Variants in CIROP observed in about 807,000 individuals in gnomAD.
CIROP encodes the protein ciliated left-right organizer metallopeptidase.
chr14:23,103,196 G>C, the CIROP span: 1 of 423,244 alleles, frequency 2.4e-6, no homozygotes, highest in Non-Finnish European at 4.1e-6. Context: ...GGTGGGGGTA[G>C]CCTTTACCCA....
chr14:23,101,543 T>G, the CIROP span: 2 of 658,818 alleles, frequency 3.0e-6, no homozygotes, highest in Non-Finnish European at 5.5e-6. Flanking sequence ...GGGAATCCGT[T>G]TTCCTTCTTC....
chr14:23,104,250 C>G, the CIROP span: 1 of 663,448 alleles, frequency 1.5e-6, no homozygotes, highest in Non-Finnish European at 2.7e-6. Context: ...CACCTTTGCC[C>G]CCAGGCAACT....
chr14:23,104,919 A>T, the CIROP span: 1 of 671,878 alleles, frequency 1.5e-6, no homozygotes, highest in South Asian at 1.6e-5. Context: ...CAGCAGCAGC[A>T]TCTCCCTTCT....
At chr14:23,102,814 G>A in the CIROP span, 1 of 679,668 alleles carries the variant, frequency 1.5e-6, no homozygotes, top group Non-Finnish European at 2.7e-6. Flanking sequence ...TAGAGTTTGA[G>A]GCACCTTCTA....
At chr14:23,103,284 C>T in the CIROP span, 1 of 398,032 alleles carries the variant, frequency 2.5e-6, no homozygotes, top group Non-Finnish European at 4.4e-6. Flanking sequence ...CATGGTGGCT[C>T]ACGCCTGTAA....
the CIROP span, chr14:23,100,747 A>G: frequency 5.0e-6 from 2 of 398,594 alleles, no homozygotes; most frequent in African/African-American, 2.1e-5. Context: ...CATGAAACAG[A>G]TGCAGGCTTA....
chr14:23,102,438 C>A, the CIROP span: 1 of 702,924 alleles, frequency 1.4e-6, no homozygotes, highest in South Asian at 1.5e-5. Flanking sequence ...AAGCAGTTGT[C>A]CCCACTCATC....
the CIROP span, chr14:23,103,421 G>A: frequency 9.3e-6 from 4 of 428,332 alleles, no homozygotes; most frequent in African/African-American, 8.1e-5. Context: ...GGACATGGTG[G>A]TGCATGCCTG....
the CIROP span, chr14:23,104,620 G>T: frequency 2.1e-5 from 15 of 702,124 alleles, no homozygotes; most frequent in Non-Finnish European, 3.6e-5. Flanking sequence ...GCCTGGATTC[G>T]CTGAGTGGCC....
At chr14:23,099,511 T>C in the CIROP span, 1 of 413,148 alleles carries the variant, frequency 2.4e-6, no homozygotes, top group Non-Finnish European at 4.4e-6. Context: ...GAAGGTAATA[T>C]TTGGCATGGA....
the CIROP span, among the ~76,000 whole-genome samples, chr14:23,104,070 C>A: frequency 6.6e-6 from 1 of 152,216 alleles, no homozygotes; most frequent in Non-Finnish European, 1.5e-5. Flanking sequence ...TCATGGCAGG[C>A]TGCAGATCTC....
chr14:23,102,117 A>G, the CIROP span: 1 of 702,994 alleles, frequency 1.4e-6, no homozygotes, highest in Non-Finnish European at 2.6e-6. Flanking sequence ...GCTCCTCTGC[A>G]GCGCTGTGGT....
At chr14:23,104,511 G>T in the CIROP span, 2 of 702,888 alleles carry the variant, frequency 2.8e-6, no homozygotes, top group Non-Finnish European at 5.2e-6. Flanking sequence ...CCATATCTTG[G>T]AATTCCAGTT....
At chr14:23,100,402 CCT>C in the CIROP span, 1 of 412,398 alleles carries the variant, frequency 2.4e-6, no homozygotes. Context: ...GAAACGCAAC[CCT>C]GTCTAGGACA....
the CIROP span, chr14:23,100,184 G>A: frequency 4.8e-6 from 1 of 208,436 alleles, no homozygotes. Flanking sequence ...AGCCTAGGGA[G>A]GTCGAGGCCA....
At chr14:23,102,161 C>T in the CIROP span, 5 of 702,924 alleles carry the variant, frequency 7.1e-6, no homozygotes, top group South Asian at 1.5e-5. Flanking sequence ...TTGAAGGCAG[C>T]GAGGGTGATT....
chr14:23,102,698 A>G, the CIROP span: 1 of 702,940 alleles, frequency 1.4e-6, no homozygotes, highest in Non-Finnish European at 2.6e-6. Flanking sequence ...GCATGGAGCA[A>G]TTCATGTAAT....
chr14:23,102,817 A>G, the CIROP span: 2 of 677,516 alleles, frequency 3.0e-6, no homozygotes, highest in Non-Finnish European at 5.4e-6. Flanking sequence ...AGTTTGAGGC[A>G]CCTTCTATTC....
At chr14:23,103,494 C>T in the CIROP span, 314,132 of 559,320 alleles carry the variant, frequency 0.56, 90,060 homozygotes, top group Admixed American at 0.62. Flanking sequence ...GTCAAGGCTG[C>T]GGTGAGCTGT....
Sources: gnomAD v4.1 joint callset for allele counts (sites outside exome capture counted in the v4.1 genomes callset) on GRCh38, gnomAD v4.1.1 for gene constraint, MANE v1.5 for transcripts, NCBI Gene and HGNC (gene_info 2026-07-23, HGNC 2026-07-21) for gene names.